Variants in ADCY2 observed in about 807,000 individuals in gnomAD.
The protein encoded by ADCY2 is adenylate cyclase type 2.
In ADCY2, 31 loss-of-function variants were observed where a neutral mutation model predicts 125.2. The observed-to-expected ratio is 0.25, with a 90% CI of 0.19 to 0.33. The LOEUF is 0.33. Ranked by LOEUF, ADCY2 falls within the 10% of genes least tolerant of loss-of-function variation. ADCY2 has a pLI of 1.00. For missense variants in ADCY2, 904 were observed against 1,418.2 expected, an observed-to-expected ratio of 0.64 and a Z score of 5.82; for synonymous variants, 512 against 548.4, an observed-to-expected ratio of 0.93 and a Z score of 0.93.
intron 20 of ADCY2, chr5:7,796,264 A>G (rs1335761728): frequency 6.6e-6 from 1 of 152,196 alleles, no homozygotes; most frequent in African/African-American, 2.4e-5. Context: ...GGGAGAGACC[A>G]GGGAGGCAGT....
intron 3 of ADCY2, among the ~76,000 whole-genome samples, chr5:7,588,434 G>A (rs754488106): frequency 9.2e-5 from 14 of 152,160 alleles, no homozygotes; most frequent in Non-Finnish European, 1.6e-4. Flanking sequence ...ATAAAATAAT[G>A]CTGTATTTTA....
chr5:7,559,876 G>A (rs934007709), intron 3 of ADCY2, among the ~76,000 whole-genome samples: 1 of 152,200 alleles, frequency 6.6e-6, no homozygotes, highest in Non-Finnish European at 1.5e-5. Flanking sequence ...AAAATTTGGA[G>A]CAGAAATGGC....
At chr5:7,410,277 G>T (rs1739657863) in intron 1 of ADCY2, among the ~76,000 whole-genome samples, 1 of 151,694 alleles carries the variant, frequency 6.6e-6, no homozygotes, top group African/African-American at 2.4e-5. Flanking sequence ...TAGAAAGGCA[G>T]TATTTTACAT....
intron 16 of ADCY2, among the ~76,000 whole-genome samples, chr5:7,759,040 C>T (rs1743106666): frequency 6.6e-6 from 1 of 152,132 alleles, no homozygotes; most frequent in Admixed American, 6.5e-5. Flanking sequence ...GCACTAGCAG[C>T]AGGGGTGGGA....
intron 1 of ADCY2, among the ~76,000 whole-genome samples, chr5:7,397,872 T>C (rs1255778581): frequency 6.6e-6 from 1 of 152,124 alleles, no homozygotes; most frequent in African/African-American, 2.4e-5. Flanking sequence ...GTAGTCTAGA[T>C]AGGAGTCCGG....
Position 7,734,905 on chromosome 5 carries a change from A to G in ADCY2, c.1871+7644A>G, listed in dbSNP as rs1742201394. ...GTGAGGGCTCCCTTTCAGGTTGCAG[A>G]CTACTGTCTTCTCCTTGTATCCTCA... On this transcript the variant is annotated intron_variant, in intron 14 of 24. Transcript: ENST00000338316. 3.3e-5 allele frequency among the ~76,000 whole-genome samples: 5 copies of G among 152,168 alleles called. No homozygotes were observed. The South Asian group carries it at 1.0e-3, about 31-fold the overall frequency.
Position 7,789,808 on chromosome 5 carries a change from C to A in ADCY2, c.2628+8C>A. ...AGGAGCCTGAAGAATGAGGTCAGAC[C>A]AGGGGGGCTGGGGGCTGGGGGAGGG... On this transcript the variant is annotated splice_region_variant and intron_variant, in intron 20 of 24. Coordinates refer to ENST00000338316, the MANE Select transcript of ADCY2 (RefSeq NM_020546.3). 2 of 1,251,472 alleles carry A rather than the reference C, an allele frequency of 1.6e-6. No homozygotes were observed. Among genetic ancestry groups the A allele is most frequent in the Non-Finnish European group, 2.1e-6 (2 of 948,788 alleles). 77.5% of individuals were successfully genotyped at this position (1,251,472 alleles called of 1,614,324 possible).
intron 3 of ADCY2, among the ~76,000 whole-genome samples, chr5:7,584,129 A>C (rs546434549): frequency 4.6e-5 from 7 of 152,168 alleles, no homozygotes; most frequent in African/African-American, 1.7e-4. Context: ...GTTTTTCTTT[A>C]CTCTGATGGA....
intron 2 of ADCY2, among the ~76,000 whole-genome samples, chr5:7,444,728 G>A (rs1197697173): frequency 6.6e-6 from 1 of 152,132 alleles, no homozygotes; most frequent in Non-Finnish European, 1.5e-5. Context: ...CCCGGGCTTG[G>A]ACTGCTTTTC....
At chr5:7,702,230 T>TC (rs1232892538) in intron 7 of ADCY2, among the ~76,000 whole-genome samples, 1 of 150,580 alleles carries the variant, frequency 6.6e-6, no homozygotes, top group African/African-American at 2.4e-5. Context: ...TGTTTCTTTT[T>TC]TTTTTTTTTT....
intron 2 of ADCY2, among the ~76,000 whole-genome samples, chr5:7,476,570 T>C (rs1742532832): frequency 6.6e-6 from 1 of 152,178 alleles, no homozygotes; most frequent in Admixed American, 6.5e-5. Context: ...CATCAGGAAC[T>C]GTCTCAGTGT....
rs374086060 is a variant in ADCY2 at position 7,715,732 on chromosome 5, C to T, written c.1623-1425C>T. 1.8e-4 allele frequency among the ~76,000 whole-genome samples: 27 copies of T among 151,976 alleles called. No homozygotes were observed. The South Asian group carries it at 5.4e-3, about 30-fold the overall frequency. ...CAGCCTGTTTGAAGAAGACAGGGCC[C>T]GAAGGCACAAATCCACAAACAGGAT... On this transcript the variant is annotated intron_variant, in intron 11 of 24. Coordinates refer to ENST00000338316, the MANE Select transcript of ADCY2 (RefSeq NM_020546.3).
intron 11 of ADCY2, among the ~76,000 whole-genome samples, chr5:7,714,202 C>T (rs1030893747): frequency 1.3e-5 from 2 of 152,336 alleles, no homozygotes; most frequent in Admixed American, 6.5e-5. Flanking sequence ...GGAGACAGCA[C>T]GGTGCCTCTG....
At chr5:7,654,078 C>T in intron 4 of ADCY2, 1 of 456,220 alleles carries the variant, frequency 2.2e-6, no homozygotes, top group South Asian at 1.5e-5. Flanking sequence ...GTAGCATTTA[C>T]CACCCTGAGG....
At chr5:7,673,613 C>T (rs1012556568) in intron 4 of ADCY2, among the ~76,000 whole-genome samples, 1 of 152,142 alleles carries the variant, frequency 6.6e-6, no homozygotes, top group African/African-American at 2.4e-5. Context: ...GCCCTCTGCC[C>T]ACTGGGTCCA....
At chr5:7,570,464 T>C (rs1216882256) in intron 3 of ADCY2, among the ~76,000 whole-genome samples, 1 of 152,138 alleles carries the variant, frequency 6.6e-6, no homozygotes, top group African/African-American at 2.4e-5. Context: ...TCCCTCTTAA[T>C]TCAGTATGAC....
At chr5:7,679,057 G>C (rs1050114637) in intron 4 of ADCY2, among the ~76,000 whole-genome samples, 3 of 152,226 alleles carry the variant, frequency 2.0e-5, no homozygotes, top group African/African-American at 7.2e-5. Context: ...TAACACCTAC[G>C]CTTGAAGCAA....
intron 18 of ADCY2, among the ~76,000 whole-genome samples, chr5:7,775,099 T>C (rs1250380939): frequency 1.3e-5 from 2 of 151,876 alleles, no homozygotes; most frequent in African/African-American, 4.8e-5. Flanking sequence ...CTCTGCCTCC[T>C]GGGTTCAAGC....
At chr5:7,473,782 C>A (rs1742423645) in intron 2 of ADCY2, among the ~76,000 whole-genome samples, 1 of 152,226 alleles carries the variant, frequency 6.6e-6, no homozygotes, top group Admixed American at 6.5e-5. Flanking sequence ...ACCTCTTTCT[C>A]TTCTAGCTCC....
Sources: gnomAD v4.1 joint callset for allele counts (sites outside exome capture counted in the v4.1 genomes callset) on GRCh38, gnomAD v4.1.1 for gene constraint, MANE v1.5 for transcripts, NCBI Gene and HGNC (gene_info 2026-07-23, HGNC 2026-07-21) for gene names.